The following SSBP1 variants were observed in gnomAD, a reference collection of about 807,000 sequenced individuals.
The protein encoded by SSBP1 is single-stranded DNA-binding protein, mitochondrial.
A neutral mutation model predicts 27.0 loss-of-function variants in SSBP1; 20 were observed. The ratio of observed to expected loss-of-function variants is 0.74; its 90% CI spans 0.52 to 1.08. The LOEUF (loss-of-function observed/expected upper bound fraction) is 1.08, where lower values mean the gene tolerates loss of function less well. SSBP1 is among the 50% of genes least tolerant of loss of function. The probability of loss-of-function intolerance (pLI) is 0.00; values close to 1 mark genes in which losing one functional copy is unlikely to be tolerated. For synonymous variants in SSBP1, 59 were observed against 59.3 expected (o/e 1.00, Z 0.02); for missense variants, 137 against 182.4 (o/e 0.75, Z 1.44).
intron 6 of SSBP1, among the ~76,000 whole-genome samples, chr7:141,749,952 T>C (rs2117199121): frequency 6.6e-6 from 1 of 152,346 alleles, no homozygotes; most frequent in South Asian, 2.1e-4. Flanking sequence ...CTTTTGTCCT[T>C]TTCTCTGAGG....
intron 2 of SSBP1, 60 bp from the exon 3 acceptor site, chr7:141,742,109 C>G: frequency 8.0e-7 from 1 of 1,257,594 alleles, no homozygotes; most frequent in Non-Finnish European, 1.2e-6. Context: ...AGTAATTCTT[C>G]TGTTTGCATT....
At chr7:141,742,954 A>G (rs998062918) in intron 3 of SSBP1, among the ~76,000 whole-genome samples, 3 of 152,154 alleles carry the variant, frequency 2.0e-5, no homozygotes, top group African/African-American at 7.2e-5. Flanking sequence ...TCCCGGGTTC[A>G]TGCCATTCTC....
intron 2 of SSBP1, chr7:141,740,467 G>A (rs1799485372): frequency 6.6e-6 from 1 of 152,216 alleles, no homozygotes; most frequent in Non-Finnish European, 1.5e-5. Context: ...CAAGGGCCCT[G>A]GGTCCTTGAG....
Position 141,745,575 on chromosome 7 carries a change from A to G in SSBP1, c.394A>G (p.Ile132Val), listed in dbSNP as rs777794675. The G allele has an allele frequency of 3.9e-5, 63 of 1,613,190 alleles. No individual in the cohort carries two copies. The highest frequency in any genetic ancestry group is 4.7e-5 in the Non-Finnish European group (56 of 1,179,654). The change falls in exon 6 of 7, where the codon ATC (isoleucine) becomes GTC (valine). Residue 132 changes from isoleucine to valine, a missense_variant. By Grantham distance (29) the Ile-to-Val change is conservative (BLOSUM62 3). Coordinates refer to ENST00000265304, the MANE Select transcript of SSBP1 (RefSeq NM_003143.3). The part of the protein sequence containing the change: ...KNNVRRQATT[I>V]IADNIIFLSD... ...TAATGTGAGGCGACAAGCAACAACA[A>G]TCATAGCTGGTAAGAAGCTTGTGAA...
In SSBP1 at chr7:141,742,070, A is replaced by G. The variant is rs1315794475; in HGVS notation, c.25-99A>G. On this transcript the variant is annotated intron_variant, in intron 2 of 6. Coordinates refer to ENST00000265304, the MANE Select transcript of SSBP1 (RefSeq NM_003143.3). ...TCTCTTCTCTTCTGGAATTTTCAGGAACTACTGACTATATGGTGAATGAAC... is the reference window on the plus strand; with the variant it reads ...TCTCTTCTCTTCTGGAATTTTCAGGGACTACTGACTATATGGTGAATGAAC... 5.7e-6 allele frequency: 5 copies of G among 873,802 alleles called. No individual in the cohort carries two copies. In the African/African-American group the frequency reaches 6.7e-5, roughly 12 times the overall value. The allele number at this position is 873,802 out of a possible 1,614,324, so 54.1% of individuals were successfully genotyped here. A position where few individuals can be genotyped will look rare whatever the true frequency, so the allele number is the denominator to read the frequency against.
intron 6 of SSBP1, among the ~76,000 whole-genome samples, chr7:141,747,178 A>G (rs993697007): frequency 1.3e-5 from 2 of 152,138 alleles, no homozygotes; most frequent in Admixed American, 6.5e-5. Flanking sequence ...TTATATTGGA[A>G]ATATGTCTTT....
intron 6 of SSBP1, chr7:141,746,431 C>T (rs934457131): frequency 1.3e-5 from 2 of 152,306 alleles, no homozygotes; most frequent in Non-Finnish European, 2.9e-5. Context: ...GCCTCTACCT[C>T]CCCAGGCTCA....
chr7:141,745,827 A>G (rs1799762765), intron 6 of SSBP1: 1 of 1,260,042 alleles, frequency 7.9e-7, no homozygotes. Context: ...TAAAGCCTAA[A>G]ACTGAATTAT....
intron 3 of SSBP1, 100 bp downstream of exon 3, chr7:141,742,329 C>T: frequency 1.2e-6 from 1 of 857,098 alleles, no homozygotes; most frequent in Non-Finnish European, 1.9e-6. Flanking sequence ...ACCATGTTGC[C>T]ATTGTGCTTT....
intron 2 of SSBP1, chr7:141,740,197 ATCTTTATTT>A (rs1799475020): frequency 6.6e-6 from 1 of 152,328 alleles, no homozygotes; most frequent in East Asian, 1.9e-4. Flanking sequence ...TTGTACTCAT[ATCTTTATTT>A]TCTTATCTGC....
intron 2 of SSBP1, chr7:141,739,521 G>C (rs1799433102): frequency 4.4e-6 from 1 of 224,822 alleles, no homozygotes; most frequent in African/African-American, 2.2e-5. Flanking sequence ...TTTTCTTAAG[G>C]CATGTAGTTG....
intron 6 of SSBP1, among the ~76,000 whole-genome samples, chr7:141,748,889 G>GAT (rs1401226069): frequency 6.6e-6 from 1 of 152,074 alleles, no homozygotes; most frequent in Non-Finnish European, 1.5e-5. Flanking sequence ...ATATTAATTC[G>GAT]AGTAGTTTGT....
At chr7:141,743,525 C>A (rs764142163) in intron 3 of SSBP1, 36 bp from the exon 4 acceptor site, 2 of 1,610,912 alleles carry the variant, frequency 1.2e-6, no homozygotes, top group Non-Finnish European at 1.7e-6. Flanking sequence ...CAGTCTATAG[C>A]AGGTTGTCTC....
At chr7:141,744,654 TAAAATTTTTCTTTTCA>T (rs1799703832) in intron 5 of SSBP1, among the ~76,000 whole-genome samples, 1 of 152,246 alleles carries the variant, frequency 6.6e-6, no homozygotes. Context: ...TAGCAATCAC[TAAAATTTTTCTTTTCA>T]ATAACTGTAT....
At chr7:141,739,098 TTTC>T in intron 1 of SSBP1, 23 bp from the exon 2 acceptor site, 1 of 1,418,756 alleles carries the variant, frequency 7.0e-7, no homozygotes, top group Non-Finnish European at 9.6e-7. Flanking sequence ...GTAATGTTTT[TTTC>T]TTATTTTGTT....
chr7:141,739,062 G>A lies in SSBP1; in HGVS notation c.-43-62G>A, dbSNP rs1584757947. On this transcript the variant is annotated intron_variant, in intron 1 of 6. Transcript: ENST00000265304. ...TGAATATAGTTAGGAATTTAGGACTGGTGAGTTGTACTTTTGCCATAAGAG... is the reference window on the plus strand; with the variant it reads ...TGAATATAGTTAGGAATTTAGGACTAGTGAGTTGTACTTTTGCCATAAGAG... 3.2e-6 allele frequency: 3 copies of A among 928,364 alleles called. No individual in the cohort carries two copies. In the East Asian group the frequency reaches 7.7e-5, roughly 24 times the overall value. 57.5% of individuals were successfully genotyped at this position (928,364 alleles called of 1,614,324 possible).
At chr7:141,744,044 A>C (rs1584766284) in intron 5 of SSBP1, 55 bp downstream of exon 5, 2 of 1,503,462 alleles carry the variant, frequency 1.3e-6, no homozygotes, top group East Asian at 2.3e-5. Context: ...AACCGATAAG[A>C]AGTGTTCTCA....
chr7:141,746,168 G>A (rs774854479), intron 6 of SSBP1: 44 of 172,490 alleles, frequency 2.6e-4, no homozygotes, highest in African/African-American at 9.8e-4. Flanking sequence ...TTATAGGTGC[G>A]TGCCACACCA....
At chr7:141,743,372 A>G (rs1030463846) in intron 3 of SSBP1, among the ~76,000 whole-genome samples, 189 bp from the exon 4 acceptor site, 1 of 152,110 alleles carries the variant, frequency 6.6e-6, no homozygotes, top group Non-Finnish European at 1.5e-5. Flanking sequence ...AAAGTTCTGA[A>G]CTCTTCCTGT....
Sources: allele counts gnomAD v4.1 joint callset (sites outside exome capture counted in the v4.1 genomes callset), GRCh38; gene constraint gnomAD v4.1.1; transcripts MANE v1.5; gene names NCBI Gene and HGNC (gene_info 2026-07-23, HGNC 2026-07-21).